REV3L: variants seen among roughly 807,000 people sequenced by gnomAD.
The protein encoded by REV3L is REV3 like, DNA directed polymerase zeta catalytic subunit.
A neutral mutation model predicts 299.4 loss-of-function variants in REV3L; 69 were observed. That is an observed-to-expected ratio of 0.23 (90% CI 0.19 to 0.28). REV3L has a LOEUF of 0.28. Among genes scored for constraint, REV3L ranks in the 10% least tolerant of loss-of-function variants. REV3L has a pLI of 1.00. For missense variants in REV3L, 3,128 were observed against 3,693.8 expected (o/e 0.85, Z 3.97); for synonymous variants, 1,238 against 1,271.4 (o/e 0.97, Z 0.56).
intron 13 of REV3L, among the ~76,000 whole-genome samples, chr6:111,368,307 T>C (rs551061026): frequency 1.3e-5 from 2 of 152,324 alleles, no homozygotes; most frequent in South Asian, 4.1e-4. Context: ...AAGCCTTCTG[T>C]CCTTCAAGGA....
chr6:111,381,674 C>A (rs556581143), intron 9 of REV3L, among the ~76,000 whole-genome samples: 24 of 152,074 alleles, frequency 1.6e-4, no homozygotes, highest in Non-Finnish European at 3.5e-4. Flanking sequence ...ATATTTATAA[C>A]CTCTTTAATC....
At chr6:111,482,674 G>A (rs999363368) in intron 1 of REV3L, 76 bp downstream of exon 1, 67 of 943,558 alleles carry the variant, frequency 7.1e-5, no homozygotes, top group Non-Finnish European at 7.9e-5. Flanking sequence ...TGGCGTGTGC[G>A]CGTGTGCGCG....
In REV3L at chr6:111,307,481, C is replaced by T; in HGVS notation, c.9132G>A (p.Val3044=). Residue 3044 remains valine, a synonymous_variant, in exon 31 of 32, where the codon GTG becomes GTA. Transcript: ENST00000368802. ...TGCCATGCTGAGTTAGGTCATCACACACAGGACAGTGTAAGGTAGTAAAAT... is the reference window on the plus strand; with the variant it reads ...TGCCATGCTGAGTTAGGTCATCACATACAGGACAGTGTAAGGTAGTAAAAT... The part of the protein sequence containing the change: ...SQYFTTLHCP[V]CDDLTQHGIC... The T allele has an allele frequency of 6.2e-7, 1 of 1,614,198 alleles. No homozygotes were observed. The highest frequency in any genetic ancestry group is 8.5e-7 in the Non-Finnish European group (1 of 1,180,032).
chr6:111,362,077 ATTTTTAAAAAAG>A (rs1455111065), intron 16 of REV3L, among the ~76,000 whole-genome samples: 2 of 152,194 alleles, frequency 1.3e-5, no homozygotes. Flanking sequence ...TTTAATACAT[ATTTTTAAAAAAG>A]TTTTTAAAAA....
chr6:111,352,816 G>A (rs577928525), intron 18 of REV3L, among the ~76,000 whole-genome samples: 4 of 152,176 alleles, frequency 2.6e-5, no homozygotes, highest in Non-Finnish European at 2.9e-5. Flanking sequence ...GACCACCTGC[G>A]TCCAATCCAG....
At chr6:111,449,187 C>T (rs1241264066) in intron 1 of REV3L, among the ~76,000 whole-genome samples, 2 of 152,186 alleles carry the variant, frequency 1.3e-5, no homozygotes, top group African/African-American at 2.4e-5. Context: ...GGTCTTTACA[C>T]ATTAGACATT....
intron 13 of REV3L, among the ~76,000 whole-genome samples, 186 bp from the exon 14 acceptor site, chr6:111,368,214 A>G (rs1269990913): frequency 6.6e-6 from 1 of 152,200 alleles, no homozygotes; most frequent in Non-Finnish European, 1.5e-5. Context: ...TCACAGGTAT[A>G]TGACTACTAC....
At chr6:111,406,645 C>T (rs1783659750) in intron 3 of REV3L, among the ~76,000 whole-genome samples, 1 of 151,906 alleles carries the variant, frequency 6.6e-6, no homozygotes, top group Non-Finnish European at 1.5e-5. Flanking sequence ...GAGGGTGATG[C>T]CTAGATTTCT....
At chr6:111,459,472 A>G (rs1037370514) in intron 1 of REV3L, among the ~76,000 whole-genome samples, 7 of 152,162 alleles carry the variant, frequency 4.6e-5, no homozygotes, top group Non-Finnish European at 1.0e-4. Context: ...AACCATTAAC[A>G]GAGTAAACAG....
In REV3L at chr6:111,376,151, A is replaced by C; in HGVS notation, c.2204T>G (p.Leu735Ter). 1 of 1,612,768 alleles carries C rather than the reference A, an allele frequency of 6.2e-7. No individual in the cohort carries two copies. The highest frequency in any genetic ancestry group is 8.5e-7 in the Non-Finnish European group (1 of 1,179,932). ...ATTTTCAGTAAATGATGAAGGGAAT[A>C]AACTACTCAGAGCTGTGCTGTTTCC... ...EKGNSTALSS[L>*]FPSSFTENCE... Residue 735 changes from leucine (L) to a stop codon, truncating the protein, a stop_gained, in exon 13 of 32, where the codon TTA becomes TGA. Transcript: ENST00000368802. LOFTEE classifies it high-confidence loss of function.
intron 1 of REV3L, among the ~76,000 whole-genome samples, chr6:111,476,748 CTTTAA>C (rs1018372995): frequency 6.6e-6 from 1 of 152,162 alleles, no homozygotes; most frequent in Non-Finnish European, 1.5e-5. Context: ...TACTGGCTTG[CTTTAA>C]TTTATGAATC....
At chr6:111,361,718 A>C (rs1226893461) in intron 16 of REV3L, 1 of 152,196 alleles carries the variant, frequency 6.6e-6, no homozygotes, top group South Asian at 2.1e-4. Context: ...TGCACTGAGT[A>C]CTGATGTGCA....
chr6:111,405,338 T>C, intron 4 of REV3L, 132 bp downstream of exon 4: 1 of 621,564 alleles, frequency 1.6e-6, no homozygotes. Context: ...TTTGCATGTA[T>C]TTCTTTTCAT....
At chr6:111,428,972 G>C (rs1025181464) in intron 1 of REV3L, among the ~76,000 whole-genome samples, 12 of 152,110 alleles carry the variant, frequency 7.9e-5, no homozygotes, top group African/African-American at 2.9e-4. Flanking sequence ...CAAGGACAAA[G>C]AAAGCAGCAA....
At chr6:111,394,652 G>A (rs1782287174) in intron 4 of REV3L, among the ~76,000 whole-genome samples, 1 of 150,914 alleles carries the variant, frequency 6.6e-6, no homozygotes, top group South Asian at 2.1e-4. Flanking sequence ...TGCTTTTGAA[G>A]TCTTAGCCAT....
intron 13 of REV3L, among the ~76,000 whole-genome samples, chr6:111,372,102 G>A (rs769054612): frequency 6.6e-6 from 1 of 152,106 alleles, no homozygotes; most frequent in Non-Finnish European, 1.5e-5. Flanking sequence ...GAAACCACAT[G>A]AAAAGTGGTT....
chr6:111,467,683 G>A (rs1399831342), intron 1 of REV3L, among the ~76,000 whole-genome samples: 1 of 152,210 alleles, frequency 6.6e-6, no homozygotes, highest in Non-Finnish European at 1.5e-5. Flanking sequence ...TGTATTAGGT[G>A]TAAGTGATAA....
In REV3L at chr6:111,411,468, T is replaced by A; in HGVS notation, c.404+12A>T. 12 of 1,528,300 alleles carry A rather than the reference T, an allele frequency of 7.9e-6. No homozygotes were observed. The highest frequency in any genetic ancestry group is 1.4e-5 in the African/African-American group (1 of 71,920). The allele number at this position is 1,528,300 out of a possible 1,614,324, so 94.7% of individuals were successfully genotyped here. A position where few individuals can be genotyped will look rare whatever the true frequency, so the allele number is the denominator to read the frequency against. Reference sequence around the variant, plus strand: ...ATAGTTATTCATATTTTGGTTTCATTTATCTTTGTACCTTTTCACCATTGT... The same window carrying A: ...ATAGTTATTCATATTTTGGTTTCATATATCTTTGTACCTTTTCACCATTGT... On this transcript the variant is annotated intron_variant, in intron 3 of 31. Transcript: ENST00000368802.
At chr6:111,378,562 A>G (rs1780531406) in intron 11 of REV3L, among the ~76,000 whole-genome samples, 1 of 152,172 alleles carries the variant, frequency 6.6e-6, no homozygotes, top group Admixed American at 6.5e-5. Flanking sequence ...ACCCAATGCG[A>G]AAACCTCATT....
Sources: gnomAD v4.1 joint callset for allele counts (sites outside exome capture counted in the v4.1 genomes callset) on GRCh38, gnomAD v4.1.1 for gene constraint, MANE v1.5 for transcripts, NCBI Gene and HGNC (gene_info 2026-07-23, HGNC 2026-07-21) for gene names.